MYSM1: variants seen among roughly 807,000 people sequenced by gnomAD.
MYSM1 encodes Myb like, SWIRM and MPN domains 1.
MYSM1 carries 51 observed loss-of-function variants against 116.0 expected under a neutral mutation model. That is an observed-to-expected ratio of 0.44 (90% CI 0.35 to 0.56). MYSM1 has a LOEUF of 0.56. Ranked by LOEUF, MYSM1 falls within the 20% of genes least tolerant of loss-of-function variation. The pLI, the probability that MYSM1 is intolerant of heterozygous loss-of-function variation, is 0.00. For missense variants in MYSM1, 900 were observed against 974.9 expected (o/e 0.92, Z 1.02); for synonymous variants, 313 against 315.2 (o/e 0.99, Z 0.07).
intron 7 of MYSM1, among the ~76,000 whole-genome samples, chr1:58,682,822 A>T (rs1438205322): frequency 6.6e-6 from 1 of 151,596 alleles, no homozygotes; most frequent in African/African-American, 2.4e-5. Flanking sequence ...CAGCCTCCCG[A>T]ATAGCTGGGA....
rs1644501466 is a variant in MYSM1, at chr1:58,668,009, G to C, written c.1768-88C>G. ...CTCACTTATCATAAGAAAGTCATTT[G>C]TAAGTATAGCCATCATGCTTTTATA... On this transcript the variant is annotated intron_variant, in intron 14 of 19. Transcript: ENST00000472487. The C allele has an allele frequency of 5.2e-5, 47 of 897,412 alleles. No individual in the cohort carries two copies. The South Asian group carries it at 6.1e-4, about 12-fold the overall frequency. The allele number at this position is 897,412 out of a possible 1,614,324, so 55.6% of individuals were successfully genotyped here.
intron 2 of MYSM1, among the ~76,000 whole-genome samples, chr1:58,694,572 G>A (rs1055251718): frequency 6.6e-6 from 1 of 151,048 alleles, no homozygotes; most frequent in African/African-American, 2.4e-5. Flanking sequence ...AGTGAGCCGA[G>A]ATCACGAAAC....
intron 1 of MYSM1, among the ~76,000 whole-genome samples, chr1:58,695,883 A>C (rs1415158218): frequency 6.6e-6 from 1 of 152,170 alleles, no homozygotes; most frequent in African/African-American, 2.4e-5. Context: ...TGTTTACCCC[A>C]TATTTGAAAA....
At chr1:58,683,447 T>C (rs961338645) in intron 7 of MYSM1, among the ~76,000 whole-genome samples, 1 of 152,148 alleles carries the variant, frequency 6.6e-6, no homozygotes, top group Admixed American at 6.5e-5. Context: ...GCTTATATTA[T>C]AGAGATTATA....
At chr1:58,678,899 T>C (rs1644695177) in intron 8 of MYSM1, among the ~76,000 whole-genome samples, 1 of 152,196 alleles carries the variant, frequency 6.6e-6, no homozygotes, top group Non-Finnish European at 1.5e-5. Context: ...CAGACTCCAA[T>C]ATCTCCTTTA....
intron 11 of MYSM1, among the ~76,000 whole-genome samples, chr1:58,672,278 T>A (rs1644573485): frequency 6.6e-6 from 1 of 152,162 alleles, no homozygotes. Context: ...TACCATATTC[T>A]ACTGTGTTGA....
Position 58,656,388 on chromosome 1 carries a change from T to C in MYSM1, c.*3609A>G, listed in dbSNP as rs1644319404. 1 of 149,954 alleles carries C rather than the reference T, an allele frequency of 6.7e-6. No individual in the cohort carries two copies. Among genetic ancestry groups the C allele is most frequent in the African/African-American group, 2.5e-5 (1 of 39,364 alleles). The allele number at this position is 149,954 out of a possible 1,614,324, so 9.3% of individuals were successfully genotyped here. A position where few individuals can be genotyped will look rare whatever the true frequency, so the allele number is the denominator to read the frequency against. ...GGTCTTGTATTTATATGCTGAGAAG[T>C]AAGAATGCAGGGAGTGATGATGAAG... On this transcript the variant is annotated 3_prime_UTR_variant, in exon 20 of 20. Coordinates refer to ENST00000472487, the MANE Select transcript of MYSM1 (RefSeq NM_001085487.3).
chr1:58,677,909 A>G (rs1193046452), intron 8 of MYSM1, among the ~76,000 whole-genome samples: 1 of 152,174 alleles, frequency 6.6e-6, no homozygotes, highest in South Asian at 2.1e-4. Context: ...GGATTCAAGT[A>G]TAGATATTAT....
intron 1 of MYSM1, among the ~76,000 whole-genome samples, chr1:58,699,068 A>G (rs1645025612): frequency 6.6e-6 from 1 of 152,234 alleles, no homozygotes; most frequent in African/African-American, 2.4e-5. Context: ...ATTATAAACA[A>G]CATAGCTGGC....
intron 16 of MYSM1, among the ~76,000 whole-genome samples, chr1:58,666,548 T>A (rs1644472175): frequency 6.7e-6 from 1 of 150,274 alleles, no homozygotes; most frequent in African/African-American, 2.4e-5. Context: ...CATGTTCTTT[T>A]AAAACCCCCA....
At position 58,690,197 on chromosome 1, in the gene MYSM1, AT is replaced by A. The variant is rs1174072551; in HGVS notation, c.320+28del. The A allele has an allele frequency of 2.7e-6, 4 of 1,464,300 alleles. No homozygotes were observed. The South Asian group carries it at 5.7e-5, about 21-fold the overall frequency. The allele number at this position is 1,464,300 out of a possible 1,614,324, so 90.7% of individuals were successfully genotyped here. On this transcript the variant is annotated intron_variant, in intron 5 of 19. Coordinates refer to ENST00000472487, the MANE Select transcript of MYSM1 (RefSeq NM_001085487.3). ...CATAATTTTTAACTAATGAAAACAG[AT>A]TTATAAATATAAAATATAAGTACAT... is the stretch of plus-strand genomic sequence containing the variant.
At chr1:58,698,257 C>T (rs1053565586) in intron 1 of MYSM1, among the ~76,000 whole-genome samples, 2 of 150,222 alleles carry the variant, frequency 1.3e-5, no homozygotes, top group East Asian at 2.0e-4. Context: ...CCCACCACCA[C>T]GCCCAGCTAA....
chr1:58,669,758 G>A (rs1569724956), intron 12 of MYSM1, among the ~76,000 whole-genome samples: 1 of 149,142 alleles, frequency 6.7e-6, no homozygotes, highest in Non-Finnish European at 1.5e-5. Flanking sequence ...AGCCCAGGAG[G>A]TGGAGGCTGC....
intron 3 of MYSM1, 114 bp from the exon 4 acceptor site, chr1:58,690,531 A>G: frequency 1.5e-6 from 1 of 661,324 alleles, no homozygotes. Flanking sequence ...TGTCTTCCCA[A>G]TTAGAAGTGA....
At chr1:58,660,653 G>A (rs1400645991) in intron 19 of MYSM1, among the ~76,000 whole-genome samples, 1 of 152,034 alleles carries the variant, frequency 6.6e-6, no homozygotes, top group Non-Finnish European at 1.5e-5. Context: ...GAAACTTAAT[G>A]TTTAAATTTT....
chr1:58,659,802 C>A lies in MYSM1; in HGVS notation c.*195G>T. 2.4e-6 allele frequency: 1 copy of A among 421,452 alleles called. No homozygotes were observed. Among genetic ancestry groups the A allele is most frequent in the Non-Finnish European group, 4.2e-6 (1 of 236,982 alleles). 26.1% of individuals were successfully genotyped at this position (421,452 alleles called of 1,614,324 possible). ...CCGTGGTGGACCCTGGTTTGCAGAA[C>A]ACTCTGATAATCACTATATGAAAAC... On this transcript the variant is annotated 3_prime_UTR_variant, in exon 20 of 20. Coordinates refer to ENST00000472487, the MANE Select transcript of MYSM1 (RefSeq NM_001085487.3).
chr1:58,668,739 T>C (rs557391755), intron 13 of MYSM1, 57 bp from the exon 14 acceptor site: 4 of 1,490,720 alleles, frequency 2.7e-6, no homozygotes, highest in Admixed American at 2.0e-5. Flanking sequence ...ATTTTTGTTT[T>C]CCCCACCTGG....
At chr1:58,663,879 A>G (rs906265147) in intron 17 of MYSM1, among the ~76,000 whole-genome samples, 5 of 152,072 alleles carry the variant, frequency 3.3e-5, no homozygotes, top group African/African-American at 1.2e-4. Flanking sequence ...TTCTTGTGCC[A>G]TATCTGAAAA....
At chr1:58,662,987 A>G (rs1041728931) in intron 17 of MYSM1, among the ~76,000 whole-genome samples, 6 of 152,172 alleles carry the variant, frequency 3.9e-5, no homozygotes, top group Admixed American at 6.5e-5. Flanking sequence ...ATTATTTGCT[A>G]AACACTTTAC....
Sources: gnomAD v4.1 joint callset for allele counts (sites outside exome capture counted in the v4.1 genomes callset) on GRCh38, gnomAD v4.1.1 for gene constraint, MANE v1.5 for transcripts, NCBI Gene and HGNC (gene_info 2026-07-23, HGNC 2026-07-21) for gene names.